The following CCDC47 variants were observed in gnomAD, a reference collection of about 807,000 sequenced individuals.
CCDC47 encodes the protein coiled-coil domain containing 47.
A neutral mutation model predicts 60.5 loss-of-function variants in CCDC47; 41 were observed. The ratio of observed to expected loss-of-function variants is 0.68; its 90% confidence interval spans 0.53 to 0.88. The LOEUF is 0.88. Among genes scored for constraint, CCDC47 ranks in the 40% least tolerant of loss-of-function variants. The pLI, the probability that CCDC47 is intolerant of heterozygous loss-of-function variation, is 0.00. For synonymous variants in CCDC47, 195 were observed against 190.7 expected (o/e 1.02, Z -0.18); for missense variants, 513 against 580.9 (o/e 0.88, Z 1.20).
intron 12 of CCDC47, chr17:63,751,680 A>G (rs2039166551): frequency 1.8e-6 from 1 of 566,582 alleles, no homozygotes; most frequent in Non-Finnish European, 3.1e-6. Flanking sequence ...TCGAAAACTG[A>G]TAATGGAATT....
In CCDC47 at chr17:63,754,419, T is replaced by C. The variant is rs1423095505; in HGVS notation, c.1034+14A>G. 6.0e-6 allele frequency: 9 copies of C among 1,506,872 alleles called. No homozygotes were observed. Among genetic ancestry groups the C allele is most frequent in the Non-Finnish European group, 7.4e-6 (8 of 1,087,574 alleles). The allele number at this position is 1,506,872 out of a possible 1,614,324, so 93.3% of individuals were successfully genotyped here. Reference sequence around the variant, plus strand: ...TGAGGAAAATTAATTTCAACAATTTTATCTTATACGTACTCTTGCATAATT... The same window carrying C: ...TGAGGAAAATTAATTTCAACAATTTCATCTTATACGTACTCTTGCATAATT... On this transcript the variant is annotated intron_variant, in intron 9 of 12. Transcript: ENST00000225726.
intron 1 of CCDC47, 136 bp from the exon 2 acceptor site, chr17:63,766,330 A>C (rs1017459112): frequency 3.9e-6 from 3 of 778,942 alleles, no homozygotes; most frequent in African/African-American, 3.6e-5. Context: ...CATTATATAA[A>C]GAACAATGAA....
At chr17:63,771,135 T>C (rs571723760) in intron 1 of CCDC47, among the ~76,000 whole-genome samples, 10 of 152,056 alleles carry the variant, frequency 6.6e-5, no homozygotes, top group African/African-American at 2.2e-4. Context: ...CCATAAAGGA[T>C]AGGCCAACGG....
At chr17:63,770,554 T>G (rs1009156757) in intron 1 of CCDC47, among the ~76,000 whole-genome samples, 1 of 152,160 alleles carries the variant, frequency 6.6e-6, no homozygotes, top group African/African-American at 2.4e-5. Context: ...AAGGGAAATA[T>G]GTACTACTCT....
rs772222680 is a variant in CCDC47 at position 63,751,842 on chromosome 17, TA to T, written c.1371+97del. ...AATGTCCCAAATGTTGAGAAAATGC[TA>T]AACTTTTAGCCTACAAAGATTACCT... On this transcript the variant is annotated intron_variant, in intron 12 of 12. Coordinates refer to ENST00000225726, the MANE Select transcript of CCDC47 (RefSeq NM_020198.3). 5.2e-6 allele frequency: 7 copies of T among 1,349,126 alleles called. No homozygotes were observed. In the East Asian group the frequency reaches 1.6e-4, roughly 31 times the overall value. 83.6% of individuals were successfully genotyped at this position (1,349,126 alleles called of 1,614,324 possible). A position where few individuals can be genotyped will look rare whatever the true frequency, so the allele number is the denominator to read the frequency against.
intron 12 of CCDC47, among the ~76,000 whole-genome samples, chr17:63,750,104 A>G (rs1008199429): frequency 6.6e-6 from 1 of 152,204 alleles, no homozygotes; most frequent in Non-Finnish European, 1.5e-5. Context: ...GTTCAAAAAA[A>G]TTAAATGATT....
At position 63,751,984 on chromosome 17, in the gene CCDC47, G is replaced by T. The variant is rs756471118; in HGVS notation, c.1327C>A (p.Arg443=). The change falls in exon 12 of 13, where the codon CGA becomes AGA. Residue 443 remains arginine, a synonymous_variant. Coordinates refer to ENST00000225726, the MANE Select transcript of CCDC47 (RefSeq NM_020198.3). ...TCAGGATCTTCCTCATTCATGATTC[G>T]CTCCTTCTCTGCTCTTTTTTTCTCC... The part of the protein sequence containing the change: ...REEKKRAEKE[R]IMNEEDPEKQ... The T allele has an allele frequency of 6.2e-7, 1 of 1,613,124 alleles. No homozygotes were observed. The highest frequency in any genetic ancestry group is 8.5e-7 in the Non-Finnish European group (1 of 1,179,930).
At chr17:63,755,242 C>T (rs1047460026) in intron 8 of CCDC47, 1 of 963,762 alleles carries the variant, frequency 1.0e-6, no homozygotes, top group African/African-American at 1.8e-5. Flanking sequence ...GTTGAGATTA[C>T]AAGTGTGAAC....
At chr17:63,759,542 T>A (rs1435792443) in intron 6 of CCDC47, among the ~76,000 whole-genome samples, 341 of 18,144 alleles carry the variant, frequency 0.019, 94 homozygotes, top group African/African-American at 0.087. Flanking sequence ...TATATATATA[T>A]ATATATATAT....
intron 1 of CCDC47, among the ~76,000 whole-genome samples, chr17:63,771,567 A>G (rs1425408503): frequency 1.3e-5 from 2 of 152,200 alleles, no homozygotes; most frequent in East Asian, 3.8e-4. Flanking sequence ...AGCTTCCTTT[A>G]ACCATCTTTA....
In CCDC47 at chr17:63,756,575, TA is replaced by T; in HGVS notation, c.736-6del. 1 of 1,596,734 alleles carries T rather than the reference TA, an allele frequency of 6.3e-7. No homozygotes were observed. The highest frequency in any genetic ancestry group is 8.6e-7 in the Non-Finnish European group (1 of 1,165,410). The stretch of plus-strand genomic sequence containing the variant: ...ATTCATGGTTACTTTTATTTGCTTT[TA>T]AAAAAATGTAAAAAACAACAAAATT... On this transcript the variant is annotated splice_region_variant and splice_polypyrimidine_tract_variant and intron_variant, in intron 6 of 12. Coordinates refer to ENST00000225726, the MANE Select transcript of CCDC47 (RefSeq NM_020198.3).
chr17:63,762,514 T>A (rs572562321), intron 4 of CCDC47, among the ~76,000 whole-genome samples: 4 of 152,218 alleles, frequency 2.6e-5, no homozygotes, highest in African/African-American at 4.8e-5. Flanking sequence ...AAACACTGTA[T>A]GCAAAGTATC....
chr17:63,752,695 C>A lies in CCDC47; in HGVS notation c.1093+46G>T. The A allele has an allele frequency of 1.9e-6, 3 of 1,571,870 alleles. No individual in the cohort carries two copies. The South Asian group carries it at 3.5e-5, about 18-fold the overall frequency. On this transcript the variant is annotated intron_variant, in intron 10 of 12. Coordinates refer to ENST00000225726, the MANE Select transcript of CCDC47 (RefSeq NM_020198.3). Reference sequence around the variant, plus strand: ...GAGGAAACAATACTCTCCTTAAGGTCATCTCAGAGAAGACTAAGAACCCAG... The same window carrying A: ...GAGGAAACAATACTCTCCTTAAGGTAATCTCAGAGAAGACTAAGAACCCAG...
chr17:63,768,336 T>G (rs2039311572), intron 1 of CCDC47, among the ~76,000 whole-genome samples: 1 of 151,956 alleles, frequency 6.6e-6, no homozygotes, highest in African/African-American at 2.4e-5. Context: ...ATGGTGAAAT[T>G]TGGTTAAACT....
chr17:63,766,038 C>T lies in CCDC47; in HGVS notation c.138G>A (p.Met46Ile). 1 of 1,614,070 alleles carries T rather than the reference C, an allele frequency of 6.2e-7. No individual in the cohort carries two copies. The highest frequency in any genetic ancestry group is 1.7e-5 in the Admixed American group (1 of 60,008). The change falls in exon 2 of 13, where the codon ATG (methionine) becomes ATA (isoleucine). Residue 46 changes from methionine (M) to isoleucine (I), a missense_variant. By Grantham distance (10) the Met-to-Ile change is conservative. Transcript: ENST00000225726. ...GAGGAGATTCAGTAACAGAGTCTTC[C>T]ATGACATCCTCAAATTCAGCGAAGT... Reference protein sequence around the residue: ...DNDFAEFEDVMEDSVTESPQR... With the variant: ...DNDFAEFEDVIEDSVTESPQR...
chr17:63,759,491 A>T (rs1396289410), intron 6 of CCDC47, among the ~76,000 whole-genome samples: 1 of 16,410 alleles, frequency 6.1e-5, no homozygotes, highest in African/African-American at 9.4e-4. Flanking sequence ...TCTGTCTCCC[A>T]AAAAAAAAAA....
chr17:63,766,210 A>C lies in CCDC47; in HGVS notation c.-19-16T>G. 1 of 1,581,938 alleles carries C rather than the reference A, an allele frequency of 6.3e-7. No homozygotes were observed. Among genetic ancestry groups the C allele is most frequent in the Non-Finnish European group, 8.6e-7 (1 of 1,169,184 alleles). On this transcript the variant is annotated splice_polypyrimidine_tract_variant and intron_variant, in intron 1 of 12. Coordinates refer to ENST00000225726, the MANE Select transcript of CCDC47 (RefSeq NM_020198.3). ...AGAAAAAAAGCTTAAAAAAAAAGAG[A>C]ACCCCAAAATGGATTGCCATTCTAT...
chr17:63,755,137 A>G lies in CCDC47; in HGVS notation c.949-619T>C, dbSNP rs115743103. ...AGGAACACACAACCACACCTGGCTA[A>G]TTTTTTTATTGTAGAGACAGGGTCT... On this transcript the variant is annotated intron_variant, in intron 8 of 12. Coordinates refer to ENST00000225726, the MANE Select transcript of CCDC47 (RefSeq NM_020198.3). Among the ~76,000 whole-genome samples, 1,276 of 152,092 alleles carry G rather than the reference A, an allele frequency of 8.4e-3. 20 individuals carry two copies. Among genetic ancestry groups the G allele is most frequent in the African/African-American group, 0.029 (1,202 of 41,504 alleles).
intron 1 of CCDC47, among the ~76,000 whole-genome samples, chr17:63,769,147 G>A (rs2144498985): frequency 6.6e-6 from 1 of 151,712 alleles, no homozygotes; most frequent in African/African-American, 2.4e-5. Context: ...CTATTCTGGT[G>A]GCTGAGGTGG....
Sources: gnomAD v4.1 joint callset for allele counts (sites outside exome capture counted in the v4.1 genomes callset) on GRCh38, gnomAD v4.1.1 for gene constraint, MANE v1.5 for transcripts, NCBI Gene and HGNC (gene_info 2026-07-23, HGNC 2026-07-21) for gene names.